Variants in CPNE4 observed in about 807,000 individuals in gnomAD.
CPNE4 encodes copine 4, also known as copine-4.
CPNE4 carries 25 observed loss-of-function variants against 67.9 expected under a neutral mutation model. The ratio of observed to expected loss-of-function variants is 0.37; its 90% CI spans 0.27 to 0.51. The LOEUF (loss-of-function observed/expected upper bound fraction) is 0.51, where lower values mean the gene tolerates loss of function less well. Among genes scored for constraint, CPNE4 ranks in the 20% least tolerant of loss-of-function variants. The pLI, the probability that CPNE4 is intolerant of heterozygous loss-of-function variation, is 0.93. For missense variants in CPNE4, 464 were observed against 690.8 expected, an observed-to-expected ratio of 0.67 and a Z score of 3.68; for synonymous variants, 242 against 244.9, an observed-to-expected ratio of 0.99 and a Z score of 0.11.
At chr3:131,768,787 A>G (rs1007493354) in intron 2 of CPNE4, among the ~76,000 whole-genome samples, 2 of 152,142 alleles carry the variant, frequency 1.3e-5, no homozygotes, top group Non-Finnish European at 2.9e-5. Context: ...ATGAATACTG[A>G]ATGAGTCCCC....
At chr3:131,796,526 G>A (rs1005950754) in intron 2 of CPNE4, among the ~76,000 whole-genome samples, 2 of 152,162 alleles carry the variant, frequency 1.3e-5, no homozygotes, top group African/African-American at 4.8e-5. Context: ...AATGATGAAG[G>A]TTGGAGAAAG....
intron 2 of CPNE4, among the ~76,000 whole-genome samples, chr3:131,740,153 C>T (rs2107777136): frequency 6.6e-6 from 1 of 152,256 alleles, no homozygotes; most frequent in South Asian, 2.1e-4. Flanking sequence ...GTCACTGTGC[C>T]TTCAGATGGA....
At chr3:131,606,146 A>G (rs1463850638) in intron 7 of CPNE4, among the ~76,000 whole-genome samples, 1 of 152,184 alleles carries the variant, frequency 6.6e-6, no homozygotes, top group African/African-American at 2.4e-5. Flanking sequence ...CCATTTGTAT[A>G]GCTTAATCAG....
chr3:132,014,902 T>C (rs919124324), intron 1 of CPNE4, among the ~76,000 whole-genome samples: 6 of 152,216 alleles, frequency 3.9e-5, no homozygotes, highest in African/African-American at 1.4e-4. Context: ...TGGATCCTAT[T>C]ATTTTTGTAA....
intron 7 of CPNE4, among the ~76,000 whole-genome samples, chr3:131,610,115 T>C (rs1393555): frequency 0.41 from 61,562 of 151,902 alleles, 15,676 homozygotes; most frequent in Non-Finnish European, 0.58. Flanking sequence ...CCTTTTTCCC[T>C]CCTTTCACAA....
At chr3:131,934,463 T>C (rs1455669087) in intron 1 of CPNE4, among the ~76,000 whole-genome samples, 2 of 152,214 alleles carry the variant, frequency 1.3e-5, no homozygotes, top group Non-Finnish European at 2.9e-5. Context: ...GTACAGAACA[T>C]GCAGGTTTGT....
chr3:131,773,916 T>C (rs1209156222), intron 2 of CPNE4, among the ~76,000 whole-genome samples: 2 of 152,200 alleles, frequency 1.3e-5, no homozygotes, highest in African/African-American at 2.4e-5. Context: ...GTATTAAGTT[T>C]CTTAACCAAA....
chr3:131,669,068 C>T lies in CPNE4; in HGVS notation c.681+607G>A, dbSNP rs535910632. On this transcript the variant is annotated intron_variant, in intron 7 of 15. Transcript: ENST00000429747. ...TATGGGGCTCTGTTCTTGCATTCTT[C>T]GAACCCTAAGTTCACTGTGTGTGTT... Among the ~76,000 whole-genome samples the T allele has an allele frequency of 5.9e-5, 9 of 152,246 alleles. No individual in the cohort carries two copies. The South Asian group carries it at 1.2e-3, about 21-fold the overall frequency.
At chr3:131,963,880 G>A (rs905722756) in intron 1 of CPNE4, among the ~76,000 whole-genome samples, 8 of 152,214 alleles carry the variant, frequency 5.3e-5, no homozygotes, top group Non-Finnish European at 1.2e-4. Context: ...TCTGCTAAGG[G>A]ACAGACTGCC....
intron 15 of CPNE4, among the ~76,000 whole-genome samples, chr3:131,541,913 C>T (rs1935520018): frequency 1.3e-5 from 2 of 152,174 alleles, no homozygotes; most frequent in Admixed American, 6.5e-5. Context: ...TCAGGCGATA[C>T]ACCCACCTTG....
At chr3:131,758,434 G>A (rs1425479476) in intron 2 of CPNE4, among the ~76,000 whole-genome samples, 1 of 152,124 alleles carries the variant, frequency 6.6e-6, no homozygotes, top group East Asian at 1.9e-4. Context: ...CTCCCATTTG[G>A]AATGGCTGGA....
chr3:131,931,005 G>T (rs1296094030), intron 1 of CPNE4, among the ~76,000 whole-genome samples: 1 of 152,088 alleles, frequency 6.6e-6, no homozygotes, highest in Non-Finnish European at 1.5e-5. Context: ...TAAGGGTGTT[G>T]ATCAGAAATA....
intron 11 of CPNE4, among the ~76,000 whole-genome samples, chr3:131,561,002 A>C (rs779252316): frequency 5.3e-5 from 8 of 152,204 alleles, no homozygotes; most frequent in Admixed American, 1.3e-4. Flanking sequence ...ACACTTGAAA[A>C]TACCTGTCAG....
At chr3:131,756,111 G>T (rs1309745627) in intron 2 of CPNE4, among the ~76,000 whole-genome samples, 2 of 152,036 alleles carry the variant, frequency 1.3e-5, no homozygotes, top group Non-Finnish European at 1.5e-5. Context: ...ATGACAAAAA[G>T]CTTTGGTGTT....
At chr3:131,853,671 G>A (rs2086325612) in intron 2 of CPNE4, among the ~76,000 whole-genome samples, 1 of 151,754 alleles carries the variant, frequency 6.6e-6, no homozygotes, top group African/African-American at 2.4e-5. Flanking sequence ...AATATTCATA[G>A]CATAGGAAGA....
At chr3:131,952,091 C>A (rs1045025723) in intron 1 of CPNE4, among the ~76,000 whole-genome samples, 1 of 148,858 alleles carries the variant, frequency 6.7e-6, no homozygotes, top group Non-Finnish European at 1.5e-5. Flanking sequence ...CGTCTCTGCC[C>A]GGCCGCCATC....
intron 14 of CPNE4, among the ~76,000 whole-genome samples, chr3:131,549,294 C>A (rs1419504997): frequency 1.3e-5 from 2 of 151,944 alleles, no homozygotes; most frequent in Non-Finnish European, 2.9e-5. Flanking sequence ...AATTACAGAG[C>A]AAACTTCAGA....
At chr3:131,997,583 T>C (rs1560757629) in intron 1 of CPNE4, among the ~76,000 whole-genome samples, 1 of 151,980 alleles carries the variant, frequency 6.6e-6, no homozygotes, top group Non-Finnish European at 1.5e-5. Context: ...CAGATAAGAG[T>C]AGGTTCACGA....
chr3:131,534,532 TG>T lies in CPNE4; in HGVS notation c.*662del. On this transcript the variant is annotated 3_prime_UTR_variant, in exon 16 of 16. Coordinates refer to ENST00000429747, the MANE Select transcript of CPNE4 (RefSeq NM_130808.3). ...CCACACAGACCTATGTATCACAATC[TG>T]AATTTTAATAAGACTCTCAGGTGAT... The T allele has an allele frequency of 6.6e-6, 1 of 152,332 alleles. No individual in the cohort carries two copies. Among genetic ancestry groups the T allele is most frequent in the South Asian group, 2.1e-4 (1 of 4,824 alleles). The allele number at this position is 152,332 out of a possible 1,614,324, so 9.4% of individuals were successfully genotyped here.
Sources: gnomAD v4.1 joint callset for allele counts (sites outside exome capture counted in the v4.1 genomes callset) on GRCh38, gnomAD v4.1.1 for gene constraint, MANE v1.5 for transcripts, NCBI Gene and HGNC (gene_info 2026-07-23, HGNC 2026-07-21) for gene names.